Variants in CHRNA7 observed in about 807,000 individuals in gnomAD.
CHRNA7 encodes cholinergic receptor nicotinic alpha 7 subunit, also known as neuronal acetylcholine receptor subunit alpha-7.
Under a neutral mutation model 48.0 loss-of-function variants are expected in CHRNA7, and 17 were observed. The ratio of observed to expected loss-of-function variants is 0.35; its 90% CI spans 0.24 to 0.53. The LOEUF is 0.53. Ranked by LOEUF, CHRNA7 falls within the 20% of genes least tolerant of loss-of-function variation. The pLI, the probability that CHRNA7 is intolerant of heterozygous loss-of-function variation, is 0.92. For missense variants in CHRNA7, 155 were observed against 577.7 expected (o/e 0.27, Z 7.50); for synonymous variants, 75 against 242.3 (o/e 0.31, Z 6.41).
rs948371756 is a variant in CHRNA7 at position 32,077,650 on chromosome 15, C to G, written c.196-23653C>G. ...ATTTAGTGTTCCTATAAAGGAATACCTGAGGCTGGGTAATTTATAAAGCAA... is the reference window on the plus strand; with the variant it reads ...ATTTAGTGTTCCTATAAAGGAATACGTGAGGCTGGGTAATTTATAAAGCAA... On this transcript the variant is annotated intron_variant, in intron 2 of 9. Transcript: ENST00000306901. Among the ~76,000 whole-genome samples, 5 of 151,980 alleles carry G rather than the reference C, an allele frequency of 3.3e-5. No homozygotes were observed. In the East Asian group the frequency reaches 9.6e-4, roughly 29 times the overall value.
intron 3 of CHRNA7, among the ~76,000 whole-genome samples, chr15:32,107,012 A>C (rs554949874): frequency 6.6e-6 from 1 of 152,288 alleles, no homozygotes; most frequent in East Asian, 1.9e-4. Flanking sequence ...GCGATGTGTC[A>C]ATCATTATGT....
At chr15:32,101,460 C>CAAAAAAA (rs56258702) in intron 3 of CHRNA7, 113 bp downstream of exon 3, 1 of 1,203,700 alleles carries the variant, frequency 8.3e-7, no homozygotes, top group Non-Finnish European at 1.2e-6. Flanking sequence ...GGAAAAAAAA[C>CAAAAAAA]CAAAAAAACA....
chr15:32,129,255 T>C (rs908928829), intron 4 of CHRNA7, among the ~76,000 whole-genome samples: 6 of 151,956 alleles, frequency 3.9e-5, no homozygotes, highest in African/African-American at 1.2e-4. Flanking sequence ...CTTTGTCTAG[T>C]TTTGGTTATG....
intron 2 of CHRNA7, among the ~76,000 whole-genome samples, chr15:32,096,181 G>T (rs1265646307): frequency 1.3e-5 from 2 of 152,186 alleles, no homozygotes; most frequent in Non-Finnish European, 2.9e-5. Flanking sequence ...AAAATGCGTT[G>T]TTTGCGTGTG....
rs138481048 is a variant in CHRNA7 at position 32,119,406 on chromosome 15, C to T, written c.350+7507C>T. On this transcript the variant is annotated intron_variant, in intron 4 of 9. Transcript: ENST00000306901. ...ATCTTTTAAAAAATCCATCAATTGC[C>T]CTGAGGCGGGAACATGCTATCCAGG... Among the ~76,000 whole-genome samples the T allele has an allele frequency of 7.2e-5, 11 of 152,250 alleles. No homozygotes were observed. The East Asian group carries it at 2.1e-3, about 29-fold the overall frequency.
At chr15:32,041,842 T>C (rs2049455307) in intron 2 of CHRNA7, among the ~76,000 whole-genome samples, 2 of 152,228 alleles carry the variant, frequency 1.3e-5, no homozygotes, top group Non-Finnish European at 2.9e-5. Context: ...ATTGCTGGAA[T>C]TTCTTTTTGG....
intron 2 of CHRNA7, among the ~76,000 whole-genome samples, chr15:32,069,599 AT>A (rs1282780436): frequency 6.6e-6 from 1 of 152,214 alleles, no homozygotes; most frequent in Non-Finnish European, 1.5e-5. Flanking sequence ...GTGAGCTATG[AT>A]TATACCACTG....
intron 2 of CHRNA7, chr15:32,100,854 G>A (rs13380223): frequency 0.012 from 2,075 of 176,178 alleles, 50 homozygotes; most frequent in African/African-American, 0.047. Context: ...CAGGGCCATG[G>A]CCCCTTTCCT....
chr15:32,090,127 T>C (rs934888839), intron 2 of CHRNA7, among the ~76,000 whole-genome samples: 1 of 152,164 alleles, frequency 6.6e-6, no homozygotes, highest in African/African-American at 2.4e-5. Flanking sequence ...CACAAGTGTT[T>C]CTCTAGTGGT....
At chr15:32,039,106 A>T (rs775319920) in intron 2 of CHRNA7, among the ~76,000 whole-genome samples, 24 of 152,202 alleles carry the variant, frequency 1.6e-4, no homozygotes, top group African/African-American at 5.3e-4. Flanking sequence ...CTGTGTAATG[A>T]TGTCTTCTAC....
chr15:32,132,313 T>A (rs187636730), intron 4 of CHRNA7, among the ~76,000 whole-genome samples: 8 of 152,192 alleles, frequency 5.3e-5, no homozygotes, highest in African/African-American at 1.4e-4. Context: ...TTGGAATAGG[T>A]AAGATAAATA....
intron 4 of CHRNA7, chr15:32,153,269 A>C (rs1297092348): frequency 4.0e-5 from 6 of 151,676 alleles, no homozygotes; most frequent in Non-Finnish European, 8.8e-5. Context: ...AAAATACAAA[A>C]AAATTAACCA....
chr15:32,137,076 A>AATGCAATC (rs1336250155), intron 4 of CHRNA7, among the ~76,000 whole-genome samples: 2 of 151,162 alleles, frequency 1.3e-5, no homozygotes, highest in Admixed American at 1.3e-4. Flanking sequence ...GAGAAACCTA[A>AATGCAATC]ATGCAATCCA....
Position 32,047,494 on chromosome 15 carries a change from A to T in CHRNA7, c.195+16457A>T, listed in dbSNP as rs866536083. 9.2e-3 allele frequency among the ~76,000 whole-genome samples: 1,399 copies of T among 152,244 alleles called. 25 individuals carry two copies. The highest frequency in any genetic ancestry group is 0.032 in the African/African-American group (1,331 of 41,522). On this transcript the variant is annotated intron_variant, in intron 2 of 9. Coordinates refer to ENST00000306901, the MANE Select transcript of CHRNA7 (RefSeq NM_000746.6). ...GTTTGTCTGTTATTGGTGTATAAGAATGCTTGTGATTTTTGTACATTGATT... is the reference window on the plus strand; with the variant it reads ...GTTTGTCTGTTATTGGTGTATAAGATTGCTTGTGATTTTTGTACATTGATT...
At chr15:32,095,979 CTTGT>C (rs1395523166) in intron 2 of CHRNA7, among the ~76,000 whole-genome samples, 3 of 152,178 alleles carry the variant, frequency 2.0e-5, no homozygotes, top group Non-Finnish European at 4.4e-5. Context: ...GGGCCAGGAG[CTTGT>C]TTGTTTCATA....
In CHRNA7 at chr15:32,030,568, C is replaced by T. The variant is rs1471183852; in HGVS notation, c.-27C>T. 2.7e-6 allele frequency: 4 copies of T among 1,472,888 alleles called. No individual in the cohort carries two copies. The highest frequency in any genetic ancestry group is 2.9e-5 in the African/African-American group (2 of 68,048). 91.2% of individuals were successfully genotyped at this position (1,472,888 alleles called of 1,614,324 possible). On this transcript the variant is annotated 5_prime_UTR_variant, in exon 1 of 10. Coordinates refer to ENST00000306901, the MANE Select transcript of CHRNA7 (RefSeq NM_000746.6). ...GCGACAGCCGAGACGTGGAGCGCGC[C>T]GGCTCGCTGCAGCTCCGGGACTCAA...
intron 4 of CHRNA7, among the ~76,000 whole-genome samples, chr15:32,150,741 C>G (rs928177770): frequency 6.6e-6 from 1 of 152,152 alleles, no homozygotes; most frequent in Non-Finnish European, 1.5e-5. Context: ...TCCATAGGGT[C>G]TCAGGGCTCC....
intron 2 of CHRNA7, among the ~76,000 whole-genome samples, chr15:32,090,074 A>G (rs1205921164): frequency 6.6e-6 from 1 of 152,228 alleles, no homozygotes; most frequent in South Asian, 2.1e-4. Flanking sequence ...CCTATGTTAC[A>G]TGGTAGCATT....
chr15:32,031,074 T>A, intron 2 of CHRNA7, 37 bp downstream of exon 2: 1 of 1,611,370 alleles, frequency 6.2e-7, no homozygotes, highest in Non-Finnish European at 8.5e-7. Context: ...CCCTCTCCCC[T>A]TCCTGGGCTC....
Sources: gnomAD v4.1 joint callset for allele counts (sites outside exome capture counted in the v4.1 genomes callset) on GRCh38, gnomAD v4.1.1 for gene constraint, MANE v1.5 for transcripts, NCBI Gene and HGNC (gene_info 2026-07-23, HGNC 2026-07-21) for gene names.